The following RELA variants were observed in gnomAD, a reference collection of about 807,000 sequenced individuals.
The protein encoded by RELA is RELA proto-oncogene, NF-kB subunit.
RELA carries 14 observed loss-of-function variants against 56.7 expected under a neutral mutation model. That is an observed-to-expected ratio of 0.25 (90% CI 0.16 to 0.39). RELA has a LOEUF of 0.39. RELA is among the 10% of genes least tolerant of loss of function. The pLI is 1.00. For missense variants in RELA, 559 were observed against 736.4 expected, an observed-to-expected ratio of 0.76 and a Z score of 2.79; for synonymous variants, 315 against 289.7, an observed-to-expected ratio of 1.09 and a Z score of -0.89.
intron 10 of RELA, chr11:65,655,305 G>C (rs1203003624): frequency 1.8e-6 from 1 of 566,936 alleles, no homozygotes. Flanking sequence ...ACTAAGTCCT[G>C]AGAGGCAATG....
rs1421767430 is a variant in RELA, at chr11:65,658,884, A to G, written c.560-62T>C. ...ACGAGAGGTCCCCAGGGTGGCCTGCAGGAGATGCAACTTCCCTGCCCAGCC... is the reference window on the plus strand; with the variant it reads ...ACGAGAGGTCCCCAGGGTGGCCTGCGGGAGATGCAACTTCCCTGCCCAGCC... On this transcript the variant is annotated intron_variant, in intron 6 of 10. Coordinates refer to ENST00000406246, the MANE Select transcript of RELA (RefSeq NM_021975.4). This position sits in a 1 kb window ranked among gnomAD's most constrained non-coding sequence, Gnocchi z 4.5. 6 of 1,376,544 alleles carry G rather than the reference A, an allele frequency of 4.4e-6. No homozygotes were observed. In the Admixed American group the frequency reaches 6.7e-5, roughly 15 times the overall value. The allele number at this position is 1,376,544 out of a possible 1,614,324, so 85.3% of individuals were successfully genotyped here.
Position 65,654,802 on chromosome 11 carries a change from G to A in RELA, c.1232C>T (p.Pro411Leu). ...SALAQAPAPV[P>L]VLAPGPPQAV... Reference sequence around the variant, plus strand: ...CTGAGGAGGGCCTGGGGCTAGGACTGGGACAGGGGCTGGGGCCTGGGCCAG... The same window carrying A: ...CTGAGGAGGGCCTGGGGCTAGGACTAGGACAGGGGCTGGGGCCTGGGCCAG... Residue 411 changes from proline (P) to leucine (L), a missense_variant, in exon 11 of 11, where the codon CCA (proline) becomes CTA (leucine). Pro to Leu is a moderately conservative substitution (Grantham distance 98). Transcript: ENST00000406246. The A allele has an allele frequency of 6.5e-7, 1 of 1,529,144 alleles. No homozygotes were observed. Among genetic ancestry groups the A allele is most frequent in the South Asian group, 1.3e-5 (1 of 79,856 alleles). 94.7% of individuals were successfully genotyped at this position (1,529,144 alleles called of 1,614,324 possible).
In RELA at chr11:65,655,775, G is replaced by A. The variant is rs774010275; in HGVS notation, c.959-13C>T. On this transcript the variant is annotated splice_polypyrimidine_tract_variant and intron_variant, in intron 9 of 10. Transcript: ENST00000406246. ...GGGTCGGTGGGTCCTGTAGGGCAAG[G>A]GCTAGGTCAGTTCTCAGCCCCAGGG... The A allele has an allele frequency of 2.4e-5, 39 of 1,613,840 alleles. No individual in the cohort carries two copies. Among genetic ancestry groups the A allele is most frequent in the Admixed American group, 6.7e-5 (4 of 59,996 alleles).
At chr11:65,662,342 G>T in intron 1 of RELA, 137 bp from the exon 2 acceptor site, 1 of 1,026,596 alleles carries the variant, frequency 9.7e-7, no homozygotes, top group Non-Finnish European at 1.3e-6. Flanking sequence ...AGAACCTGCG[G>T]TGAAACTAAG....
Position 65,654,156 on chromosome 11 carries a change from C to G in RELA, c.*222G>C. ...GGGAAAAGTTTGAGTTTCCCCAGCT[C>G]CCCCCTTTCCAGAGAAGTTAATGCT... On this transcript the variant is annotated 3_prime_UTR_variant, in exon 11 of 11. Transcript: ENST00000406246. The G allele has an allele frequency of 1.5e-6, 1 of 647,084 alleles. No homozygotes were observed. Among genetic ancestry groups the G allele is most frequent in the Non-Finnish European group, 2.8e-6 (1 of 363,124 alleles). 40.1% of individuals were successfully genotyped at this position (647,084 alleles called of 1,614,324 possible).
chr11:65,655,856 G>A lies in RELA; in HGVS notation c.957C>T (p.Ser319=), dbSNP rs200111108. 185 of 1,613,884 alleles carry A rather than the reference G, an allele frequency of 1.1e-4. 1 individual carries two copies. Among genetic ancestry groups the A allele is most frequent in the Middle Eastern group, 8.2e-4 (5 of 6,062 alleles). ...TGGCTTTCCCAGTCCCCATCTCACC[G>A]CTGAAAGGACTCTTCTTCATGATGC... ...FKSIMKKSPF[S]GPTDPRPPPR... is the part of the protein sequence containing the mutation. The change falls in exon 9 of 11, where the codon AGC becomes AGT. Residue 319 remains serine, a splice_region_variant and synonymous_variant. Coordinates refer to ENST00000406246, the MANE Select transcript of RELA (RefSeq NM_021975.4).
In RELA at chr11:65,654,816, G is replaced by A. The variant is rs757199266; in HGVS notation, c.1218C>T (p.Ala406=). 2.6e-6 allele frequency: 4 copies of A among 1,539,012 alleles called. No individual in the cohort carries two copies. The highest frequency in any genetic ancestry group is 1.2e-5 in the South Asian group (1 of 81,912). ...GGGCTAGGACTGGGACAGGGGCTGG[G>A]GCCTGGGCCAGAGCTGATACCATGG... The part of the protein sequence containing the change: ...APAMVSALAQ[A]PAPVPVLAPG... The change falls in exon 11 of 11, where the codon GCC becomes GCT. Residue 406 remains alanine (A), a synonymous_variant. Transcript: ENST00000406246.
At chr11:65,660,531 C>T (rs555163691) in intron 4 of RELA, 3 of 361,054 alleles carry the variant, frequency 8.3e-6, no homozygotes, top group Non-Finnish European at 1.0e-5. Flanking sequence ...TTGGAATGTT[C>T]TTTTCCTACT....
At position 65,658,373 on chromosome 11, in the gene RELA, G is replaced by A. The variant is rs746526485; in HGVS notation, c.791C>T (p.Ala264Val). ...CAGCTGCATGGAGACACGCACAGGAGCCTGCAGGCTGGGGTCTGCGTAGGG... is the reference window on the plus strand; with the variant it reads ...CAGCTGCATGGAGACACGCACAGGAACCTGCAGGCTGGGGTCTGCGTAGGG... Reference protein sequence around the residue: ...TPPYADPSLQAPVRVSMQLRR... With the variant: ...TPPYADPSLQVPVRVSMQLRR... The change falls in exon 8 of 11, where the codon GCT becomes GTT. Residue 264 changes from alanine (A) to valine (V), a missense_variant. Ala to Val is a moderately conservative substitution (Grantham distance 64, BLOSUM62 0). Transcript: ENST00000406246. This position sits in a 1 kb window ranked among gnomAD's most constrained non-coding sequence, Gnocchi z 4.5. The A allele has an allele frequency of 7.2e-5, 116 of 1,613,800 alleles. No individual in the cohort carries two copies. Among genetic ancestry groups the A allele is most frequent in the Non-Finnish European group, 8.8e-5 (104 of 1,179,960 alleles).
Position 65,655,760 on chromosome 11 carries a change from G to A in RELA, c.961C>T (p.Pro321Ser). 6.2e-7 allele frequency: 1 copy of A among 1,614,010 alleles called. No individual in the cohort carries two copies. Among genetic ancestry groups the A allele is most frequent in the Non-Finnish European group, 8.5e-7 (1 of 1,179,996 alleles). The change falls in exon 10 of 11, where the codon CCC (proline) becomes TCC (serine). Residue 321 changes from proline (P) to serine (S), a missense_variant and splice_region_variant. Pro to Ser is a moderately conservative substitution (Grantham distance 74, BLOSUM62 -1). Around this residue, in one of 4 missense-constraint regions of RELA, gnomAD observed 365 missense variants for 387.5 expected, o/e 0.94. Coordinates refer to ENST00000406246, the MANE Select transcript of RELA (RefSeq NM_021975.4). The part of the protein sequence containing the change: ...SIMKKSPFSG[P>S]TDPRPPPRRI... ...CGAGGTGGAGGCCGGGGGTCGGTGG[G>A]TCCTGTAGGGCAAGGGCTAGGTCAG... is the stretch of plus-strand genomic sequence containing the variant.
Position 65,659,682 on chromosome 11 carries a change from A to T in RELA, c.543T>A (p.His181Gln). 1 of 1,613,686 alleles carries T rather than the reference A, an allele frequency of 6.2e-7. No homozygotes were observed. The highest frequency in any genetic ancestry group is 8.5e-7 in the Non-Finnish European group (1 of 1,179,944). Residue 181 changes from histidine to glutamine, a missense_variant, in exon 6 of 11, where the codon CAT becomes CAA. This residue lies in a region of RELA where 149 missense variants were observed against 256.0 expected (regional missense o/e 0.58). Transcript: ENST00000406246. Reference protein sequence around the residue: ...RPLRLPPVLSHPIFDNRAPNT... With the variant: ...RPLRLPPVLSQPIFDNRAPNT... ...GCTACTCACGATTGTCAAAGATGGGATGAGAAAGGACAGGCGGCAGGCGGA... is the reference window on the plus strand; with the variant it reads ...GCTACTCACGATTGTCAAAGATGGGTTGAGAAAGGACAGGCGGCAGGCGGA...
At chr11:65,662,715 C>A in intron 1 of RELA, 111 bp downstream of exon 1, 1 of 906,698 alleles carries the variant, frequency 1.1e-6, no homozygotes, top group South Asian at 5.4e-5. Context: ...CCGACCGCTC[C>A]CTGCGCAGCG....
At chr11:65,655,398 C>T in intron 10 of RELA, 4 of 586,270 alleles carry the variant, frequency 6.8e-6, no homozygotes, top group Non-Finnish European at 9.1e-6. Context: ...ACACATCTTG[C>T]TAATTTAGAG....
At position 65,662,763 on chromosome 11, in the gene RELA, G is replaced by A. The variant is rs55794449; in HGVS notation, c.7+63C>T. On this transcript the variant is annotated intron_variant, in intron 1 of 10. Transcript: ENST00000406246. Reference sequence around the variant, plus strand: ...GGAAGGGGCGGAAAGCGGCGCGGGGGCTCCCGCCACAGCCGCGGCGGCCCC... The same window carrying A: ...GGAAGGGGCGGAAAGCGGCGCGGGGACTCCCGCCACAGCCGCGGCGGCCCC... 2.7e-4 allele frequency: 316 copies of A among 1,171,790 alleles called. 3 individuals are homozygous for A. In the East Asian group the frequency reaches 9.1e-3, roughly 34 times the overall value. The allele number at this position is 1,171,790 out of a possible 1,614,324, so 72.6% of individuals were successfully genotyped here.
At position 65,658,365 on chromosome 11, in the gene RELA, G is replaced by A. The variant is rs1420318686; in HGVS notation, c.799C>T (p.Arg267Cys). 29 of 1,613,776 alleles carry A rather than the reference G, an allele frequency of 1.8e-5. No individual in the cohort carries two copies. Among genetic ancestry groups the A allele is most frequent in the East Asian group, 6.7e-5 (3 of 44,862 alleles). The stretch of plus-strand genomic sequence containing the variant: ...GGCCGCCGCAGCTGCATGGAGACAC[G>A]CACAGGAGCCTGCAGGCTGGGGTCT... ...YADPSLQAPV[R>C]VSMQLRRPSD... Residue 267 changes from arginine (R) to cysteine (C), a missense_variant, in exon 8 of 11, where the codon CGT becomes TGT. Transcript: ENST00000406246. The surrounding 1 kb of genome is among the most constrained non-coding windows in gnomAD (Gnocchi z 4.5).
In RELA at chr11:65,659,587, G is replaced by A. The variant is rs533077975; in HGVS notation, c.559+79C>T. ...ATTGAATGAAGCCAGAGCGCCTCTT[G>A]CAGGCCACACTCACCCCAACCCCCT... is the stretch of plus-strand genomic sequence containing the variant. On this transcript the variant is annotated intron_variant, in intron 6 of 10. Transcript: ENST00000406246. 1.3e-3 allele frequency: 2,013 copies of A among 1,561,944 alleles called. 5 individuals carry two copies. The highest frequency in any genetic ancestry group is 2.9e-3 in the African/African-American group (215 of 73,864).
chr11:65,662,465 T>C (rs11820062), intron 1 of RELA: 241,372 of 477,742 alleles, frequency 0.51, 62,217 homozygotes, highest in East Asian at 0.59. Flanking sequence ...TTAAGGAAAA[T>C]TGAGGGAGGG....
Position 65,661,728 on chromosome 11 carries a change from G to A in RELA, c.294C>T (p.Gly98=). The change falls in exon 4 of 11, where the codon GGC becomes GGT. Residue 98 remains glycine, a synonymous_variant. Coordinates refer to ENST00000406246, the MANE Select transcript of RELA (RefSeq NM_021975.4). ...CCGGGCAGAGCTCAGCCTCATAGAA[G>A]CCATCCCGGCAGTCCTTTCCTACAA... The part of the protein sequence containing the change: ...HELVGKDCRD[G]FYEAELCPDR... The A allele has an allele frequency of 6.2e-7, 1 of 1,612,436 alleles. No individual in the cohort carries two copies. Among genetic ancestry groups the A allele is most frequent in the African/African-American group, 1.3e-5 (1 of 75,038 alleles).
Position 65,658,828 on chromosome 11 carries a change from G to T in RELA, c.560-6C>A, listed in dbSNP as rs772558146. 1 of 1,613,498 alleles carries T rather than the reference G, an allele frequency of 6.2e-7. No individual in the cohort carries two copies. The highest frequency in any genetic ancestry group is 1.1e-5 in the South Asian group (1 of 91,054). ...CTCGGCAGTGTTGGGGGCACCTGAG[G>T]CAGTGAAAACAAGGGAGGATGACCT... is the stretch of plus-strand genomic sequence containing the variant. On this transcript the variant is annotated splice_region_variant and splice_polypyrimidine_tract_variant and intron_variant, in intron 6 of 10. Coordinates refer to ENST00000406246, the MANE Select transcript of RELA (RefSeq NM_021975.4). This position sits in a 1 kb window ranked among gnomAD's most constrained non-coding sequence, Gnocchi z 4.5.
Sources: allele counts gnomAD v4.1 joint callset, GRCh38; gene constraint gnomAD v4.1.1; regional missense constraint gnomAD v4.1.1; non-coding constraint Gnocchi (gnomAD v3.1); transcripts MANE v1.5; gene names NCBI Gene and HGNC (gene_info 2026-07-23, HGNC 2026-07-21).